The following ELP1 variants were observed in gnomAD, a reference collection of about 807,000 sequenced individuals.
ELP1 encodes elongator acetyltransferase complex subunit 1.
A neutral mutation model predicts 183.2 loss-of-function variants in ELP1; 131 were observed. The observed-to-expected ratio is 0.72, with a 90% CI of 0.62 to 0.83. ELP1 has a LOEUF of 0.83. Among genes scored for constraint, ELP1 ranks in the 40% least tolerant of loss-of-function variants. The pLI, the probability that ELP1 is intolerant of heterozygous loss-of-function variation, is 0.00. For synonymous variants in ELP1, 555 were observed against 569.0 expected (o/e 0.98, Z 0.35); for missense variants, 1,550 against 1,594.9 (o/e 0.97, Z 0.48).
intron 29 of ELP1, among the ~76,000 whole-genome samples, chr9:108,883,683 A>G (rs770641871): frequency 6.6e-6 from 1 of 152,230 alleles, no homozygotes; most frequent in Admixed American, 6.5e-5. Flanking sequence ...AGGTTTTTAC[A>G]CTATATATGA....
chr9:108,913,417 A>G (rs1419467622), intron 10 of ELP1, among the ~76,000 whole-genome samples: 5 of 152,226 alleles, frequency 3.3e-5, no homozygotes, highest in African/African-American at 1.2e-4. Context: ...CAGATGACAT[A>G]TAAATTAAGA....
intron 14 of ELP1, 84 bp from the exon 15 acceptor site, chr9:108,903,753 T>C: frequency 1.0e-6 from 1 of 992,640 alleles, no homozygotes; most frequent in Non-Finnish European, 1.6e-6. Context: ...AAATCAACAA[T>C]TTCCTTTTGA....
At chr9:108,887,143 A>C (rs1442245403) in intron 29 of ELP1, among the ~76,000 whole-genome samples, 2 of 152,292 alleles carry the variant, frequency 1.3e-5, no homozygotes, top group East Asian at 3.9e-4. Context: ...TAGGAGGTCA[A>C]GGTTGTAGTG....
intron 28 of ELP1, among the ~76,000 whole-genome samples, chr9:108,889,928 T>C (rs1306376803): frequency 6.6e-6 from 1 of 152,230 alleles, no homozygotes; most frequent in Non-Finnish European, 1.5e-5. Flanking sequence ...ATAGTTACCT[T>C]TCTTTTGCTC....
At chr9:108,906,000 T>C (rs970358451) in intron 14 of ELP1, among the ~76,000 whole-genome samples, 9 of 152,136 alleles carry the variant, frequency 5.9e-5, no homozygotes, top group African/African-American at 2.2e-4. Context: ...AAATCAATTA[T>C]AACATATAAC....
Position 108,906,476 on chromosome 9 carries a change from A to T in ELP1, c.1470T>A (p.Phe490Leu), listed in dbSNP as rs768311202. The T allele has an allele frequency of 1.2e-6, 2 of 1,613,362 alleles. No homozygotes were observed. Among genetic ancestry groups the T allele is most frequent in the South Asian group, 2.2e-5 (2 of 91,070 alleles). Reference protein sequence around the residue: ...PHLEKRYKIQFENNEDQDVNP... With the variant: ...PHLEKRYKIQLENNEDQDVNP... ...TTACATCTTGATCTTCATTATTCTC[A>T]AACTGGATTCTATTGTAAATATTGA... The change falls in exon 14 of 37, where the codon TTT becomes TTA. Residue 490 changes from phenylalanine to leucine, a missense_variant. Phe to Leu is a conservative substitution (Grantham distance 22, BLOSUM62 0). Transcript: ENST00000374647.
chr9:108,893,821 T>C, intron 26 of ELP1, 122 bp downstream of exon 26: 1 of 1,055,234 alleles, frequency 9.5e-7, no homozygotes, highest in Non-Finnish European at 1.4e-6. Flanking sequence ...TACATAATTG[T>C]TAGAGTTTTC....
Position 108,912,384 on chromosome 9 carries a change from A to G in ELP1, c.1069T>C (p.Tyr357His), listed in dbSNP as rs914639779. ...CCCTGACAGAGAACATGCAGCCGGT[A>G]TGGGGTCACAGGGTCCCACATCAGA... ...VSLMWDPVTPYRLHVLCQGWH... is the reference protein window; with the variant it reads ...VSLMWDPVTPHRLHVLCQGWH... Residue 357 changes from tyrosine (Y) to histidine (H), a missense_variant, in exon 11 of 37, where the codon TAC (tyrosine) becomes CAC (histidine). Tyr to His is a moderately conservative substitution (Grantham distance 83). Transcript: ENST00000374647. The G allele has an allele frequency of 7.4e-6, 12 of 1,614,040 alleles. No homozygotes were observed. Among genetic ancestry groups the G allele is most frequent in the Non-Finnish European group, 1.0e-5 (12 of 1,180,016 alleles).
chr9:108,906,547 C>T, intron 13 of ELP1, 62 bp from the exon 14 acceptor site: 1 of 1,430,784 alleles, frequency 7.0e-7, no homozygotes, highest in Middle Eastern at 1.8e-4. Context: ...CTGAGACGTT[C>T]CTGGATGAAG....
chr9:108,901,342 T>C, intron 18 of ELP1, 83 bp downstream of exon 18: 1 of 1,005,000 alleles, frequency 1.0e-6, no homozygotes. Context: ...AAAGCCAAAA[T>C]AAATGAAGAA....
intron 7 of ELP1, 33 bp downstream of exon 7, chr9:108,919,220 T>C: frequency 6.8e-7 from 1 of 1,480,566 alleles, no homozygotes; most frequent in Non-Finnish European, 9.4e-7. Context: ...TAAAAATTTT[T>C]TATTGTTGTT....
chr9:108,879,077 T>C (rs1214835630), intron 33 of ELP1, among the ~76,000 whole-genome samples: 2 of 152,240 alleles, frequency 1.3e-5, no homozygotes, highest in Non-Finnish European at 2.9e-5. Flanking sequence ...TTTACATTTA[T>C]GGTCTCTTCC....
intron 36 of ELP1, among the ~76,000 whole-genome samples, chr9:108,870,069 G>C (rs1164273531): frequency 6.6e-6 from 1 of 151,990 alleles, no homozygotes; most frequent in East Asian, 1.9e-4. Flanking sequence ...TCGACCCCCT[G>C]GGTTCAAGCG....
chr9:108,903,504 C>A, intron 15 of ELP1, 59 bp downstream of exon 15: 1 of 1,128,962 alleles, frequency 8.9e-7, no homozygotes, highest in South Asian at 1.2e-5. Context: ...AGTACATGTT[C>A]TTAAGAACTA....
At chr9:108,899,233 G>A (rs1483715742) in intron 20 of ELP1, among the ~76,000 whole-genome samples, 1 of 151,920 alleles carries the variant, frequency 6.6e-6, no homozygotes, top group Non-Finnish European at 1.5e-5. Context: ...CCAGAAGGCA[G>A]AGGTTGCAGT....
At chr9:108,898,867 G>A (rs1202247090) in intron 20 of ELP1, 118 bp from the exon 21 acceptor site, 10 of 718,524 alleles carry the variant, frequency 1.4e-5, no homozygotes, top group Non-Finnish European at 2.0e-5. Flanking sequence ...CCAATGCCAA[G>A]CTGCTATCAC....
At chr9:108,884,383 A>C (rs1234829752) in intron 29 of ELP1, among the ~76,000 whole-genome samples, 1 of 152,186 alleles carries the variant, frequency 6.6e-6, no homozygotes, top group African/African-American at 2.4e-5. Context: ...AAAAGCTAGA[A>C]CAGCATGATC....
At chr9:108,871,122 T>C (rs906292591) in intron 36 of ELP1, among the ~76,000 whole-genome samples, 2 of 152,110 alleles carry the variant, frequency 1.3e-5, no homozygotes, top group Non-Finnish European at 2.9e-5. Context: ...CTTTCACAGC[T>C]TTTTCTATAA....
chr9:108,913,382 C>T (rs1829306870), intron 10 of ELP1, among the ~76,000 whole-genome samples: 1 of 152,168 alleles, frequency 6.6e-6, no homozygotes, highest in African/African-American at 2.4e-5. Context: ...AAGACTTAAT[C>T]ATGCCAAAAC....
Sources: allele counts gnomAD v4.1 joint callset (sites outside exome capture counted in the v4.1 genomes callset), GRCh38; gene constraint gnomAD v4.1.1; transcripts MANE v1.5; gene names NCBI Gene and HGNC (gene_info 2026-07-23, HGNC 2026-07-21).